Variants in IP6K1 observed in about 807,000 individuals in gnomAD.
The protein encoded by IP6K1 is inositol hexakisphosphate kinase 1.
Under a neutral mutation model 38.3 loss-of-function variants are expected in IP6K1, and 13 were observed. The ratio of observed to expected loss-of-function variants is 0.34; its 90% confidence interval spans 0.22 to 0.54. IP6K1 has a LOEUF of 0.54. Among genes scored for constraint, IP6K1 ranks in the 20% least tolerant of loss-of-function variants. IP6K1 has a pLI of 0.92. For missense variants in IP6K1, 397 were observed against 599.8 expected, an observed-to-expected ratio of 0.66 and a Z score of 3.53; for synonymous variants, 212 against 229.9, an observed-to-expected ratio of 0.92 and a Z score of 0.70.
chr3:49,737,688 CAAAA>C, intron 3 of IP6K1, among the ~76,000 whole-genome samples: 1 of 152,102 alleles, frequency 6.6e-6, no homozygotes. Flanking sequence ...TCAAAACAAA[CAAAA>C]AAACATAATT....
chr3:49,743,436 A>G (rs2080690823), intron 2 of IP6K1, among the ~76,000 whole-genome samples: 1 of 151,862 alleles, frequency 6.6e-6, no homozygotes, highest in Non-Finnish European at 1.5e-5. Context: ...TCTCAGCACT[A>G]TGAGAGGCCA....
At chr3:49,760,399 A>G in intron 1 of IP6K1, among the ~76,000 whole-genome samples, 1 of 151,976 alleles carries the variant, frequency 6.6e-6, no homozygotes, top group Non-Finnish European at 1.5e-5. Context: ...CGAGGTGGGC[A>G]GATCACTTGA....
At chr3:49,740,225 ATTC>A (rs1242544086) in intron 2 of IP6K1, among the ~76,000 whole-genome samples, 1 of 130,816 alleles carries the variant, frequency 7.6e-6, no homozygotes, top group African/African-American at 2.8e-5. Flanking sequence ...AAAATTTGCA[ATTC>A]TTTTTTTTTT....
chr3:49,732,788 T>C lies in IP6K1; in HGVS notation c.616+3A>G, dbSNP rs776351628. The C allele has an allele frequency of 1.9e-6, 3 of 1,610,128 alleles. No homozygotes were observed. Among genetic ancestry groups the C allele is most frequent in the Middle Eastern group, 1.8e-4 (1 of 5,554 alleles). ...ACTCCTGAAGGAGGGGCAACGAGGA[T>C]ACTGTAGAGCTTTCGGTCCTTGGAC... On this transcript the variant is annotated splice_donor_region_variant and intron_variant, in intron 4 of 5. Coordinates refer to ENST00000321599, the MANE Select transcript of IP6K1 (RefSeq NM_153273.4).
chr3:49,777,901 G>A (rs369333962), intron 1 of IP6K1, among the ~76,000 whole-genome samples: 2 of 151,970 alleles, frequency 1.3e-5, no homozygotes, highest in African/African-American at 2.4e-5. Flanking sequence ...GCGACAGAGC[G>A]AGACTCTGTG....
chr3:49,762,728 AAG>A (rs898164939), intron 1 of IP6K1, among the ~76,000 whole-genome samples: 1 of 152,054 alleles, frequency 6.6e-6, no homozygotes, highest in South Asian at 2.1e-4. Context: ...AGAAAACAGA[AAG>A]AGAGAGAAAG....
chr3:49,728,248 T>C lies in IP6K1; in HGVS notation c.647A>G (p.His216Arg). 2.5e-6 allele frequency: 4 copies of C among 1,614,086 alleles called. No individual in the cohort carries two copies. Among genetic ancestry groups the C allele is most frequent in the Non-Finnish European group, 2.5e-6 (3 of 1,179,990 alleles). ...GTCCAACACGCAGGGGTACTTGAAG[T>C]GGTGCACCACGTTCTCAAGCAGGAG... ...KFLLLENVVHHFKYPCVLDLK... is the reference protein window; with the variant it reads ...KFLLLENVVHRFKYPCVLDLK... Residue 216 changes from histidine (H) to arginine (R), a missense_variant, in exon 5 of 6, where the codon CAC (histidine) becomes CGC (arginine). By Grantham distance (29) the His-to-Arg change is conservative. This residue lies in a region of IP6K1 where 62 missense variants were observed against 149.2 expected (regional missense o/e 0.42). Coordinates refer to ENST00000321599, the MANE Select transcript of IP6K1 (RefSeq NM_153273.4).
intron 2 of IP6K1, among the ~76,000 whole-genome samples, chr3:49,744,443 A>G (rs1004708348): frequency 1.0e-4 from 15 of 150,722 alleles, no homozygotes; most frequent in South Asian, 2.1e-4. Flanking sequence ...TTAGAATTCT[A>G]TAAGGAAGAG....
At chr3:49,760,159 G>A (rs574054734) in intron 1 of IP6K1, among the ~76,000 whole-genome samples, 2 of 152,222 alleles carry the variant, frequency 1.3e-5, no homozygotes, top group Admixed American at 1.3e-4. Flanking sequence ...GCCTCCCAAA[G>A]TGCTGCAATT....
chr3:49,777,344 C>T (rs188648330), intron 1 of IP6K1, among the ~76,000 whole-genome samples: 204 of 151,838 alleles, frequency 1.3e-3, no homozygotes, highest in African/African-American at 4.6e-3. Flanking sequence ...GATGGATTGC[C>T]TGAGGTCAAG....
chr3:49,739,133 G>A (rs148103275), intron 2 of IP6K1, among the ~76,000 whole-genome samples: 6 of 152,220 alleles, frequency 3.9e-5, no homozygotes, highest in African/African-American at 1.4e-4. Flanking sequence ...GAAACTTGAG[G>A]AGGAGGTTTT....
chr3:49,739,456 C>T (rs570535284), intron 2 of IP6K1, among the ~76,000 whole-genome samples: 2 of 150,556 alleles, frequency 1.3e-5, no homozygotes, highest in African/African-American at 4.9e-5. Context: ...CAGGTTCAAG[C>T]GATTCTCTTG....
chr3:49,749,850 C>A (rs1261434323), intron 1 of IP6K1, among the ~76,000 whole-genome samples: 3 of 78,658 alleles, frequency 3.8e-5, no homozygotes, highest in Non-Finnish European at 7.9e-5. Context: ...TTTTTTTTTG[C>A]CTAGTTATCC....
intron 1 of IP6K1, among the ~76,000 whole-genome samples, chr3:49,776,656 C>A (rs1251075019): frequency 6.6e-6 from 1 of 152,122 alleles, no homozygotes; most frequent in Non-Finnish European, 1.5e-5. Context: ...ACACACAACT[C>A]AAAATTTTTG....
intron 4 of IP6K1, among the ~76,000 whole-genome samples, chr3:49,729,635 C>T (rs1344616476): frequency 4.0e-5 from 6 of 151,872 alleles, no homozygotes; most frequent in African/African-American, 9.7e-5. Flanking sequence ...TGAACTCCCC[C>T]GACCTCAAGT....
intron 1 of IP6K1, among the ~76,000 whole-genome samples, chr3:49,757,478 C>A (rs1299642550): frequency 6.6e-6 from 1 of 152,134 alleles, no homozygotes; most frequent in Non-Finnish European, 1.5e-5. Context: ...AATCTTAGCA[C>A]TTTGGGAGGC....
At chr3:49,745,896 T>C (rs931542047) in intron 2 of IP6K1, among the ~76,000 whole-genome samples, 3 of 148,222 alleles carry the variant, frequency 2.0e-5, no homozygotes, top group African/African-American at 7.4e-5. Context: ...CAATTCAAAA[T>C]GGTCAAAGGA....
At chr3:49,732,601 C>A (rs2080572328) in intron 4 of IP6K1, among the ~76,000 whole-genome samples, 190 bp downstream of exon 4, 1 of 152,166 alleles carries the variant, frequency 6.6e-6, no homozygotes, top group Non-Finnish European at 1.5e-5. Context: ...TAAGCTTCGG[C>A]CTTACCAAAT....
Position 49,727,571 on chromosome 3 carries a change from G to A in IP6K1, c.877C>T (p.Leu293Phe), listed in dbSNP as rs2080520485. The change falls in exon 6 of 6, where the codon CTC (leucine) becomes TTC (phenylalanine). Residue 293 changes from leucine (L) to phenylalanine (F), a missense_variant. Transcript: ENST00000321599. This position sits in a 1 kb window ranked among gnomAD's most constrained non-coding sequence, Gnocchi z 5.9. ...GLSIEGFRNA[L>F]YQYLHNGLDL... is the part of the protein sequence containing the mutation. Reference sequence around the variant, plus strand: ...AGGCCATTGTGCAGATATTGATAGAGGGCATTGCGGAAGCCTTCAATGGAG... The same window carrying A: ...AGGCCATTGTGCAGATATTGATAGAAGGCATTGCGGAAGCCTTCAATGGAG... 1.9e-6 allele frequency: 3 copies of A among 1,614,196 alleles called. No homozygotes were observed. Among genetic ancestry groups the A allele is most frequent in the Non-Finnish European group, 2.5e-6 (3 of 1,180,030 alleles).
Sources: gnomAD v4.1 joint callset for allele counts (sites outside exome capture counted in the v4.1 genomes callset) on GRCh38, gnomAD v4.1.1 for gene constraint, gnomAD v4.1.1 regional missense constraint, Gnocchi (gnomAD v3.1) non-coding constraint, MANE v1.5 for transcripts, NCBI Gene and HGNC (gene_info 2026-07-23, HGNC 2026-07-21) for gene names.